Variants in SEC24D observed in about 807,000 individuals in gnomAD.
SEC24D encodes SEC24 homolog D, COPII component.
Under a neutral mutation model 116.9 loss-of-function variants are expected in SEC24D, and 69 were observed. The ratio of observed to expected loss-of-function variants is 0.59; its 90% CI spans 0.49 to 0.72. The LOEUF (loss-of-function observed/expected upper bound fraction) is 0.72, where lower values mean the gene tolerates loss of function less well. SEC24D is among the 30% of genes least tolerant of loss of function. The probability of loss-of-function intolerance (pLI) is 0.00; values close to 1 mark genes in which losing one functional copy is unlikely to be tolerated. For missense variants in SEC24D, 1,131 were observed against 1,264.1 expected (o/e 0.89, Z 1.60); for synonymous variants, 405 against 442.8 (o/e 0.91, Z 1.07).
intron 6 of SEC24D, among the ~76,000 whole-genome samples, chr4:118,809,815 A>G (rs1028022485): frequency 1.3e-5 from 2 of 152,198 alleles, no homozygotes; most frequent in African/African-American, 4.8e-5. Context: ...CACATCCAAC[A>G]TCAGGCAGTA....
chr4:118,790,383 A>G (rs1172537730), intron 8 of SEC24D, among the ~76,000 whole-genome samples: 1 of 152,216 alleles, frequency 6.6e-6, no homozygotes, highest in Non-Finnish European at 1.5e-5. Flanking sequence ...AGAGAAAAAA[A>G]TGCAAAATTA....
chr4:118,750,653 T>C (rs577133575), intron 13 of SEC24D, among the ~76,000 whole-genome samples: 155 of 152,280 alleles, frequency 1.0e-3, no homozygotes, highest in African/African-American at 3.5e-3. Flanking sequence ...AGATACCTTA[T>C]TGGAGGAGAG....
chr4:118,805,987 T>C (rs777499873), intron 6 of SEC24D, 33 bp from the exon 7 acceptor site: 18 of 1,392,312 alleles, frequency 1.3e-5, no homozygotes, highest in Non-Finnish European at 1.7e-5. Flanking sequence ...CCCGTTAAAG[T>C]AGGTTCCAGT....
chr4:118,807,688 C>A (rs2110515687), intron 6 of SEC24D, among the ~76,000 whole-genome samples: 1 of 152,316 alleles, frequency 6.6e-6, no homozygotes, highest in South Asian at 2.1e-4. Flanking sequence ...CCCATTCCAT[C>A]CACTCCAGCC....
intron 10 of SEC24D, chr4:118,764,548 A>T (rs1204389121): frequency 8.5e-6 from 3 of 353,946 alleles, no homozygotes; most frequent in East Asian, 5.4e-5. Flanking sequence ...TCTGGCAAGG[A>T]CATAAAAAAT....
intron 6 of SEC24D, among the ~76,000 whole-genome samples, chr4:118,807,894 G>A (rs1314947469): frequency 6.6e-6 from 1 of 152,232 alleles, no homozygotes; most frequent in Non-Finnish European, 1.5e-5. Flanking sequence ...AAAAAGCAGA[G>A]AAATCGAAAC....
intron 6 of SEC24D, among the ~76,000 whole-genome samples, chr4:118,812,399 C>G (rs1729956212): frequency 6.6e-6 from 1 of 152,094 alleles, no homozygotes; most frequent in South Asian, 2.1e-4. Context: ...GTTGCATTTT[C>G]CAAAACCACC....
chr4:118,818,421 C>A (rs1447899474), intron 3 of SEC24D, among the ~76,000 whole-genome samples: 1 of 152,170 alleles, frequency 6.6e-6, no homozygotes, highest in African/African-American at 2.4e-5. Flanking sequence ...ACACTAGGAC[C>A]AGCGTTTTTC....
At chr4:118,824,327 G>T (rs994894424) in intron 3 of SEC24D, among the ~76,000 whole-genome samples, 1 of 151,898 alleles carries the variant, frequency 6.6e-6, no homozygotes, top group Non-Finnish European at 1.5e-5. Context: ...TTCTATTTTT[G>T]TAGACATGAG....
At chr4:118,826,894 C>T (rs1469191905) in intron 2 of SEC24D, among the ~76,000 whole-genome samples, 1 of 152,144 alleles carries the variant, frequency 6.6e-6, no homozygotes, top group Non-Finnish European at 1.5e-5. Flanking sequence ...TTTAAGGTGC[C>T]TTTGAGCCAT....
chr4:118,749,647 T>C (rs1008180796), intron 13 of SEC24D, among the ~76,000 whole-genome samples: 1 of 152,164 alleles, frequency 6.6e-6, no homozygotes, highest in African/African-American at 2.4e-5. Flanking sequence ...CTAAAGTTAC[T>C]CTTTGCCCTT....
At chr4:118,749,280 A>G (rs148548761) in intron 13 of SEC24D, among the ~76,000 whole-genome samples, 1 of 152,284 alleles carries the variant, frequency 6.6e-6, no homozygotes, top group East Asian at 1.9e-4. Flanking sequence ...TATTTCAAGG[A>G]CTTTTCAAAA....
At chr4:118,793,314 A>C (rs1729020080) in intron 8 of SEC24D, among the ~76,000 whole-genome samples, 1 of 151,454 alleles carries the variant, frequency 6.6e-6, no homozygotes, top group Admixed American at 6.6e-5. Context: ...AAAAATACAA[A>C]AAATTAGCCG....
At chr4:118,785,248 C>T (rs1254161712) in intron 8 of SEC24D, among the ~76,000 whole-genome samples, 2 of 152,120 alleles carry the variant, frequency 1.3e-5, no homozygotes, top group Non-Finnish European at 2.9e-5. Context: ...AATTACTTGG[C>T]ATCAAAATTC....
At chr4:118,754,291 G>A (rs1280521288) in intron 11 of SEC24D, among the ~76,000 whole-genome samples, 1 of 151,878 alleles carries the variant, frequency 6.6e-6, no homozygotes, top group African/African-American at 2.4e-5. Flanking sequence ...ATCCTAAATG[G>A]TGCAACTTTA....
In SEC24D at chr4:118,731,449, C is replaced by T. The variant is rs774003456; in HGVS notation, c.2735G>A (p.Arg912His). The change falls in exon 21 of 23, where the codon CGT (arginine) becomes CAT (histidine). Residue 912 changes from arginine (R) to histidine (H), a missense_variant. Physicochemically the swap from Arg to His is conservative, Grantham distance 29 (BLOSUM62 0). Transcript: ENST00000280551. ...LPAAVRCSES[R>H]LSEEGIFLLA... is the part of the protein sequence containing the mutation. ...TAAGAATATTCCTTCTTCTGAAAGACGGGACTCAGAGCAACGAACGGCAGC... is the reference window on the plus strand; with the variant it reads ...TAAGAATATTCCTTCTTCTGAAAGATGGGACTCAGAGCAACGAACGGCAGC... The T allele has an allele frequency of 4.3e-6, 7 of 1,614,058 alleles. No individual in the cohort carries two copies. Among genetic ancestry groups the T allele is most frequent in the East Asian group, 2.2e-5 (1 of 44,864 alleles).
chr4:118,735,737 A>G (rs894136596), intron 19 of SEC24D: 3 of 147,870 alleles, frequency 2.0e-5, no homozygotes, highest in African/African-American at 7.5e-5. Flanking sequence ...TTTGTCATCC[A>G]GGCTAGAGTA....
intron 8 of SEC24D, among the ~76,000 whole-genome samples, chr4:118,769,017 G>A (rs1170435232): frequency 1.3e-5 from 2 of 152,142 alleles, no homozygotes; most frequent in Non-Finnish European, 2.9e-5. Flanking sequence ...AGAGAGTTGG[G>A]CCTGATTTAA....
At chr4:118,831,573 A>G (rs1453428154) in intron 2 of SEC24D, among the ~76,000 whole-genome samples, 1 of 152,056 alleles carries the variant, frequency 6.6e-6, no homozygotes, top group Non-Finnish European at 1.5e-5. Context: ...GGCCCAACAC[A>G]AATTTGAAAA....
Sources: gnomAD v4.1 joint callset for allele counts (sites outside exome capture counted in the v4.1 genomes callset) on GRCh38, gnomAD v4.1.1 for gene constraint, MANE v1.5 for transcripts, NCBI Gene and HGNC (gene_info 2026-07-23, HGNC 2026-07-21) for gene names.